Variants in MYO10 observed in about 807,000 individuals in gnomAD.
MYO10 encodes the protein unconventional myosin-X.
Under a neutral mutation model 257.3 loss-of-function variants are expected in MYO10, and 133 were observed. That is an observed-to-expected ratio of 0.52 (90% CI 0.45 to 0.60). The LOEUF (loss-of-function observed/expected upper bound fraction) is 0.60, where lower values mean the gene tolerates loss of function less well. MYO10 is among the 20% of genes least tolerant of loss of function. The pLI is 0.00. For missense variants in MYO10, 2,399 were observed against 2,635.7 expected, an observed-to-expected ratio of 0.91 and a Z score of 1.97; for synonymous variants, 1,104 against 1,028.6, an observed-to-expected ratio of 1.07 and a Z score of -1.40.
intron 19 of MYO10, among the ~76,000 whole-genome samples, chr5:16,741,181 G>A (rs1177938449): frequency 1.3e-5 from 2 of 152,058 alleles, no homozygotes; most frequent in African/African-American, 4.8e-5. Flanking sequence ...CCTCTACTTC[G>A]GGGAGTAAAG....
chr5:16,721,893 A>G (rs1411015156), intron 19 of MYO10, among the ~76,000 whole-genome samples: 23 of 152,236 alleles, frequency 1.5e-4, no homozygotes. Flanking sequence ...GAGCCAGCAC[A>G]TGCCAGTTTA....
intron 19 of MYO10, among the ~76,000 whole-genome samples, chr5:16,722,353 G>A (rs904667058): frequency 6.6e-6 from 1 of 152,192 alleles, no homozygotes; most frequent in African/African-American, 2.4e-5. Context: ...ACATTGCCTG[G>A]TGTGTCACCC....
At chr5:16,683,822 A>G (rs1579818202) in intron 30 of MYO10, 58 bp downstream of exon 30, 3 of 1,553,304 alleles carry the variant, frequency 1.9e-6, no homozygotes, top group Admixed American at 3.4e-5. Flanking sequence ...CAGCACAGAC[A>G]CCTGTGGACA....
intron 28 of MYO10, among the ~76,000 whole-genome samples, chr5:16,688,925 T>G (rs916572136): frequency 6.6e-6 from 1 of 152,118 alleles, no homozygotes; most frequent in Admixed American, 6.6e-5. Flanking sequence ...CTCCTTAATT[T>G]TGTGCTATGT....
intron 3 of MYO10, among the ~76,000 whole-genome samples, chr5:16,805,478 A>AG (rs1453539386): frequency 2.0e-5 from 3 of 150,828 alleles, no homozygotes; most frequent in African/African-American, 7.3e-5. Flanking sequence ...AAAAAAAAAA[A>AG]AAGAAAAGAA....
chr5:16,924,917 G>A (rs956086167), intron 1 of MYO10, among the ~76,000 whole-genome samples: 25 of 143,672 alleles, frequency 1.7e-4, no homozygotes, highest in Non-Finnish European at 3.1e-4. Context: ...TGCAAGCTCC[G>A]CCTCCCAGGT....
chr5:16,793,236 A>G (rs966032390), intron 4 of MYO10, among the ~76,000 whole-genome samples: 1 of 152,250 alleles, frequency 6.6e-6, no homozygotes, highest in Non-Finnish European at 1.5e-5. Context: ...GCACAGGTCC[A>G]ATAGAAATAA....
At position 16,662,355 on chromosome 5, in the gene MYO10, GCT is replaced by G. The variant is rs1736016520; in HGVS notation, c.*4335_*4336del. The G allele has an allele frequency of 1.3e-5, 1 of 76,618 alleles. No individual in the cohort carries two copies. Among genetic ancestry groups the G allele is most frequent in the African/African-American group, 4.8e-5 (1 of 20,884 alleles). The allele number at this position is 76,618 out of a possible 1,614,324, so 4.7% of individuals were successfully genotyped here. On this transcript the variant is annotated 3_prime_UTR_variant, in exon 41 of 41. Coordinates refer to ENST00000513610, the MANE Select transcript of MYO10 (RefSeq NM_012334.3). ...TTTTTTTTTTTGGAGACAGAGTCTT[GCT>G]CTGTCACCCACACCAGAATGCAGTG...
Position 16,885,626 on chromosome 5 carries a change from C to T in MYO10, c.22-7919G>A, listed in dbSNP as rs1294059874. 4.1e-5 allele frequency among the ~76,000 whole-genome samples: 6 copies of T among 147,330 alleles called. No homozygotes were observed. In the East Asian group the frequency reaches 1.3e-3, roughly 32 times the overall value. ...GACAGAGGTTGCAGTGAGCCAAGAT[C>T]ATACCACTGCACTCCAGCCCAGGCA... On this transcript the variant is annotated intron_variant, in intron 1 of 40. Transcript: ENST00000513610.
intron 1 of MYO10, among the ~76,000 whole-genome samples, chr5:16,903,038 T>A (rs146892806): frequency 6.6e-6 from 1 of 152,230 alleles, no homozygotes; most frequent in Non-Finnish European, 1.5e-5. Flanking sequence ...ACATTGACCA[T>A]GTGCAGGCCT....
intron 19 of MYO10, among the ~76,000 whole-genome samples, chr5:16,718,965 G>T (rs1362945873): frequency 6.6e-6 from 1 of 152,198 alleles, no homozygotes; most frequent in Non-Finnish European, 1.5e-5. Context: ...CTACCAATCA[G>T]CAGGATGTGG....
intron 1 of MYO10, among the ~76,000 whole-genome samples, chr5:16,928,252 C>A (rs1017852815): frequency 1.3e-5 from 2 of 152,104 alleles, no homozygotes; most frequent in Non-Finnish European, 2.9e-5. Context: ...GTCACCCAGG[C>A]TGGAGTGCAG....
Position 16,701,059 on chromosome 5 carries a change from G to A in MYO10, c.3336C>T (p.Ser1112=). The change falls in exon 25 of 41, where the codon TCC becomes TCT. Residue 1112 remains serine (S), a synonymous_variant. Transcript: ENST00000513610. The surrounding 1 kb of genome is among the most constrained non-coding windows in gnomAD (Gnocchi z 8.1). ...AGTCGGGGGACCACTGGCTGCCGTAGGAGTTGGAGAAGGTCACGCTGCTGC... is the reference window on the plus strand; with the variant it reads ...AGTCGGGGGACCACTGGCTGCCGTAAGAGTTGGAGAAGGTCACGCTGCTGC... The part of the protein sequence containing the change: ...TSGSSVTFSN[S]YGSQWSPDYR... 1.9e-6 allele frequency: 3 copies of A among 1,570,550 alleles called. No homozygotes were observed. The highest frequency in any genetic ancestry group is 2.6e-6 in the Non-Finnish European group (3 of 1,158,502).
chr5:16,843,124 C>T (rs1743534083), intron 2 of MYO10, among the ~76,000 whole-genome samples: 1 of 152,088 alleles, frequency 6.6e-6, no homozygotes, highest in South Asian at 2.1e-4. Flanking sequence ...CAGCCCATTC[C>T]CTGACAGGCC....
chr5:16,778,957 T>TG (rs1450135364), intron 9 of MYO10, among the ~76,000 whole-genome samples: 5 of 152,146 alleles, frequency 3.3e-5, no homozygotes, highest in Non-Finnish European at 4.4e-5. Flanking sequence ...CCCAAAGTGC[T>TG]GGGATTATAG....
Position 16,763,723 on chromosome 5 carries a change from A to G in MYO10, c.1359T>C (p.Tyr453=). Residue 453 remains tyrosine (Y), a synonymous_variant, in exon 13 of 41, where the codon TAT becomes TAC. Transcript: ENST00000513610. ...VNHFEQFNIN[Y]ANEKLQEYFN... ...AGTACTCCTGAAGTTTCTCGTTTGCATAGTTTATATTGAACTGTTCAAAGT... is the reference window on the plus strand; with the variant it reads ...AGTACTCCTGAAGTTTCTCGTTTGCGTAGTTTATATTGAACTGTTCAAAGT... The G allele has an allele frequency of 6.2e-7, 1 of 1,607,830 alleles. No homozygotes were observed. The highest frequency in any genetic ancestry group is 8.5e-7 in the Non-Finnish European group (1 of 1,175,080).
intron 1 of MYO10, among the ~76,000 whole-genome samples, chr5:16,921,643 A>G (rs1745988491): frequency 1.3e-5 from 2 of 152,052 alleles, no homozygotes. Flanking sequence ...AAAGAAAAAA[A>G]AAAAAAACGA....
chr5:16,752,062 A>G (rs772551679), intron 19 of MYO10, among the ~76,000 whole-genome samples: 2 of 152,166 alleles, frequency 1.3e-5, no homozygotes, highest in Non-Finnish European at 2.9e-5. Flanking sequence ...AATTTATAGG[A>G]AAAACTAACT....
intron 9 of MYO10, among the ~76,000 whole-genome samples, chr5:16,771,127 G>A (rs1741036066): frequency 6.6e-6 from 1 of 152,156 alleles, no homozygotes; most frequent in South Asian, 2.1e-4. Context: ...GCAAACAATG[G>A]AGAGGGAAAG....
Sources: gnomAD v4.1 joint callset for allele counts (sites outside exome capture counted in the v4.1 genomes callset) on GRCh38, gnomAD v4.1.1 for gene constraint, Gnocchi (gnomAD v3.1) non-coding constraint, MANE v1.5 for transcripts, NCBI Gene and HGNC (gene_info 2026-07-23, HGNC 2026-07-21) for gene names.